The following LMNB1 variants were observed in gnomAD, a reference collection of about 807,000 sequenced individuals.
LMNB1 encodes lamin-B1.
A neutral mutation model predicts 67.1 loss-of-function variants in LMNB1; 23 were observed. That is an observed-to-expected ratio of 0.34 (90% CI 0.25 to 0.49). LMNB1 has a LOEUF of 0.49. Among genes scored for constraint, LMNB1 ranks in the 20% least tolerant of loss-of-function variants. The probability of loss-of-function intolerance (pLI) is 0.99; values close to 1 mark genes in which losing one functional copy is unlikely to be tolerated. For synonymous variants in LMNB1, 281 were observed against 282.9 expected, an observed-to-expected ratio of 0.99 and a Z score of 0.07; for missense variants, 634 against 746.5, an observed-to-expected ratio of 0.85 and a Z score of 1.76.
At chr5:126,778,659 C>A (rs1408929493) in intron 1 of LMNB1, among the ~76,000 whole-genome samples, 1 of 152,188 alleles carries the variant, frequency 6.6e-6, no homozygotes, top group African/African-American at 2.4e-5. Flanking sequence ...GTGCATGTCA[C>A]GGCTACCGTT....
At chr5:126,820,342 C>T (rs1751833436) in intron 6 of LMNB1, among the ~76,000 whole-genome samples, 2 of 152,098 alleles carry the variant, frequency 1.3e-5, no homozygotes, top group Non-Finnish European at 2.9e-5. Context: ...TACCAGACTT[C>T]TTGCATTATG....
In LMNB1 at chr5:126,812,128, G is replaced by A. The variant is rs544243058; in HGVS notation, c.939+230G>A. On this transcript the variant is annotated intron_variant, in intron 5 of 10. Transcript: ENST00000261366. ...TAATTAGTAGATTACACAGAGCTAA[G>A]GGACTTGCCCTTGAGGAAGGAGCCT... 7.2e-5 allele frequency among the ~76,000 whole-genome samples: 11 copies of A among 152,312 alleles called. 1 individual carries two copies. In the South Asian group the frequency reaches 2.3e-3, roughly 32 times the overall value.
intron 9 of LMNB1, 39 bp downstream of exon 9, chr5:126,826,146 C>T (rs764219741): frequency 6.3e-7 from 1 of 1,578,806 alleles, no homozygotes; most frequent in East Asian, 2.2e-5. Context: ...ATGTTAATTT[C>T]ACTTAAAGTT....
At chr5:126,795,949 T>TTTTTTTTG in intron 1 of LMNB1, among the ~76,000 whole-genome samples, 3 of 145,206 alleles carry the variant, frequency 2.1e-5, no homozygotes, top group East Asian at 2.0e-4. Context: ...TTTTTTTTTT[T>TTTTTTTTG]GAGACGGAGT....
chr5:126,823,647 A>G (rs1321593644), intron 8 of LMNB1, among the ~76,000 whole-genome samples: 1 of 152,224 alleles, frequency 6.6e-6, no homozygotes, highest in Non-Finnish European at 1.5e-5. Context: ...AAAAAATATT[A>G]AACGCATGTT....
At chr5:126,792,653 C>T (rs1223733844) in intron 1 of LMNB1, among the ~76,000 whole-genome samples, 3 of 147,428 alleles carry the variant, frequency 2.0e-5, no homozygotes, top group Non-Finnish European at 4.5e-5. Context: ...CGCGGCTCAC[C>T]GCAACCTCCG....
intron 1 of LMNB1, among the ~76,000 whole-genome samples, chr5:126,782,185 T>A (rs1750649891): frequency 6.6e-6 from 1 of 152,232 alleles, no homozygotes; most frequent in Admixed American, 6.5e-5. Context: ...ACATCAGTCT[T>A]CAATAACTGA....
intron 3 of LMNB1, 62 bp downstream of exon 3, chr5:126,805,758 G>T: frequency 9.2e-7 from 1 of 1,082,952 alleles, no homozygotes; most frequent in Admixed American, 2.5e-5. Context: ...CTTTGTCATA[G>T]CTAAACATGT....
intron 9 of LMNB1, among the ~76,000 whole-genome samples, chr5:126,828,452 T>A (rs1234038137): frequency 1.3e-5 from 2 of 152,220 alleles, no homozygotes; most frequent in Non-Finnish European, 2.9e-5. Context: ...ATGGGATGCA[T>A]CTTCAGACAG....
chr5:126,778,829 T>C (rs1331071513), intron 1 of LMNB1, among the ~76,000 whole-genome samples: 1 of 152,162 alleles, frequency 6.6e-6, no homozygotes, highest in Non-Finnish European at 1.5e-5. Context: ...GGGTGCTGTG[T>C]AAATGCTGAG....
intron 8 of LMNB1, among the ~76,000 whole-genome samples, chr5:126,825,650 C>T (rs6874037): frequency 2.6e-4 from 40 of 152,012 alleles, no homozygotes; most frequent in African/African-American, 9.2e-4. Flanking sequence ...TTTCAATAAT[C>T]GCACCTGTTA....
intron 3 of LMNB1, among the ~76,000 whole-genome samples, chr5:126,807,506 A>G (rs1270429665): frequency 6.6e-6 from 1 of 152,226 alleles, no homozygotes; most frequent in Non-Finnish European, 1.5e-5. Flanking sequence ...TTTTTCTTCA[A>G]TGAGTGGTAA....
intron 1 of LMNB1, among the ~76,000 whole-genome samples, chr5:126,786,921 G>A (rs1292984660): frequency 6.6e-6 from 1 of 152,166 alleles, no homozygotes; most frequent in Non-Finnish European, 1.5e-5. Context: ...TTCTTAAAAA[G>A]CTACTTTCCA....
intron 8 of LMNB1, among the ~76,000 whole-genome samples, chr5:126,825,284 A>G (rs956528648): frequency 1.3e-5 from 2 of 152,206 alleles, no homozygotes; most frequent in African/African-American, 2.4e-5. Flanking sequence ...TGCTCATGAG[A>G]AGGGAAATAT....
intron 9 of LMNB1, among the ~76,000 whole-genome samples, chr5:126,831,224 C>T (rs1212024854): frequency 2.0e-5 from 3 of 152,206 alleles, no homozygotes; most frequent in African/African-American, 7.2e-5. Flanking sequence ...AATATTGTGT[C>T]TTCCCCTGTA....
chr5:126,836,053 CAAAG>C (rs1752240888), intron 10 of LMNB1, among the ~76,000 whole-genome samples, 166 bp from the exon 11 acceptor site: 1 of 151,228 alleles, frequency 6.6e-6, no homozygotes, highest in Non-Finnish European at 1.5e-5. Context: ...CTCAAACAAA[CAAAG>C]AAAAAGAAAA....
chr5:126,827,697 G>A (rs955400111), intron 9 of LMNB1, among the ~76,000 whole-genome samples: 1 of 152,154 alleles, frequency 6.6e-6, no homozygotes, highest in Non-Finnish European at 1.5e-5. Flanking sequence ...TGTCAGGAGA[G>A]GGTCCAGAAT....
intron 1 of LMNB1, among the ~76,000 whole-genome samples, chr5:126,792,608 C>G (rs906617143): frequency 3.4e-4 from 41 of 119,212 alleles, no homozygotes; most frequent in Admixed American, 7.8e-4. Flanking sequence ...TAGAGTTTCA[C>G]TCTTGTTGCC....
chr5:126,826,200 C>T (rs1326302302), intron 9 of LMNB1, 93 bp downstream of exon 9: 2 of 1,384,424 alleles, frequency 1.4e-6, no homozygotes, highest in African/African-American at 2.9e-5. Flanking sequence ...CGTGCAATAA[C>T]CGATTGCATA....
Sources: gnomAD v4.1 joint callset for allele counts (sites outside exome capture counted in the v4.1 genomes callset) on GRCh38, gnomAD v4.1.1 for gene constraint, MANE v1.5 for transcripts, NCBI Gene and HGNC (gene_info 2026-07-23, HGNC 2026-07-21) for gene names.